CDH4: variants seen among roughly 807,000 people sequenced by gnomAD.
The protein encoded by CDH4 is cadherin 4, also known as cadherin-4.
In CDH4, 33 loss-of-function variants were observed where a neutral mutation model predicts 86.0. That is an observed-to-expected ratio of 0.38 (90% confidence interval 0.29 to 0.51). The LOEUF (loss-of-function observed/expected upper bound fraction) is 0.51, where lower values mean the gene tolerates loss of function less well. Ranked by LOEUF, CDH4 falls within the 20% of genes least tolerant of loss-of-function variation. CDH4 has a pLI of 0.86. For synonymous variants in CDH4, 555 were observed against 549.4 expected (o/e 1.01, Z -0.14); for missense variants, 1,114 against 1,307.4 (o/e 0.85, Z 2.28).
intron 2 of CDH4, among the ~76,000 whole-genome samples, chr20:61,533,745 G>A (rs991517243): frequency 3.3e-5 from 5 of 152,242 alleles, no homozygotes; most frequent in South Asian, 2.1e-4. Context: ...GGGTGAGGGC[G>A]TGGCCATGGG....
At chr20:61,651,659 C>T (rs1361606415) in intron 2 of CDH4, among the ~76,000 whole-genome samples, 3 of 152,204 alleles carry the variant, frequency 2.0e-5, no homozygotes, top group Non-Finnish European at 4.4e-5. Context: ...ATCTGGTCAG[C>T]ATTGCTGCAG....
In CDH4 at chr20:61,752,007, C is replaced by T. The variant is rs112074333; in HGVS notation, c.396+8218C>T. Among the ~76,000 whole-genome samples the T allele has an allele frequency of 3.8e-3, 583 of 152,292 alleles. 1 individual carries two copies. The highest frequency in any genetic ancestry group is 0.013 in the African/African-American group (536 of 41,568). ...CACATGGCACGTGAAGCGTGAAACA[C>T]GGGAAAGAATGATCACTGGACTTTA... On this transcript the variant is annotated intron_variant, in intron 3 of 15. Coordinates refer to ENST00000614565, the MANE Select transcript of CDH4 (RefSeq NM_001794.5).
chr20:61,278,676 T>G (rs2084242691), intron 2 of CDH4, among the ~76,000 whole-genome samples: 1 of 152,236 alleles, frequency 6.6e-6, no homozygotes, highest in African/African-American at 2.4e-5. Context: ...TAGAGGCCAT[T>G]TGGCAGGGAC....
At chr20:61,704,532 C>G (rs1385810331) in intron 2 of CDH4, among the ~76,000 whole-genome samples, 4 of 152,094 alleles carry the variant, frequency 2.6e-5, no homozygotes, top group Non-Finnish European at 5.9e-5. Flanking sequence ...GCCCCCAGAG[C>G]CAGGTTGCTT....
chr20:61,480,443 T>G lies in CDH4; in HGVS notation c.169+225506T>G, dbSNP rs1195959594. Among the ~76,000 whole-genome samples the G allele has an allele frequency of 6.6e-6, 1 of 152,238 alleles. No homozygotes were observed. The stretch of plus-strand genomic sequence containing the variant: ...CACGCCATCTCTGGGAAGCCTCCTT[T>G]CCCTCTTCGTCCAGGTTTTATCAAA... On this transcript the variant is annotated intron_variant, in intron 2 of 15. Coordinates refer to ENST00000614565, the MANE Select transcript of CDH4 (RefSeq NM_001794.5). This position sits in a 1 kb window ranked among gnomAD's most constrained non-coding sequence, Gnocchi z 5.2.
chr20:61,870,305 A>C (rs1435870039), intron 6 of CDH4, among the ~76,000 whole-genome samples: 2 of 152,194 alleles, frequency 1.3e-5, no homozygotes, highest in Non-Finnish European at 2.9e-5. Context: ...CCCTCGGGCC[A>C]GCTGGGCACA....
chr20:61,519,297 T>C (rs537102690), intron 2 of CDH4, among the ~76,000 whole-genome samples: 1 of 152,370 alleles, frequency 6.6e-6, no homozygotes, highest in South Asian at 2.1e-4. Flanking sequence ...GAAAATTTGA[T>C]GTCTCCATTC....
At chr20:61,883,379 A>G (rs898623693) in intron 7 of CDH4, among the ~76,000 whole-genome samples, 2 of 152,082 alleles carry the variant, frequency 1.3e-5, no homozygotes, top group Non-Finnish European at 2.9e-5. Flanking sequence ...CTTTCTTGGG[A>G]CACTGGGCAA....
chr20:61,895,119 C>A, intron 8 of CDH4, 72 bp downstream of exon 8: 1 of 1,537,016 alleles, frequency 6.5e-7, no homozygotes, highest in Non-Finnish European at 8.9e-7. Flanking sequence ...GCGGCACAGC[C>A]TCCTCTCTCT....
chr20:61,932,919 CA>C (rs2055131364), intron 13 of CDH4, 65 bp from the exon 14 acceptor site: 3 of 1,573,692 alleles, frequency 1.9e-6, no homozygotes, highest in Non-Finnish European at 2.6e-6. Context: ...AGACACATGG[CA>C]AACACAGAGG....
chr20:61,700,303 C>T (rs6089265), intron 2 of CDH4, among the ~76,000 whole-genome samples: 32,312 of 152,186 alleles, frequency 0.21, 3,908 homozygotes, highest in East Asian at 0.35. Context: ...AGTTTTTTCA[C>T]TGTCAGCCGT....
At chr20:61,736,163 G>A (rs953388875) in intron 2 of CDH4, among the ~76,000 whole-genome samples, 5 of 152,114 alleles carry the variant, frequency 3.3e-5, no homozygotes, top group Non-Finnish European at 7.4e-5. Context: ...TCCCCACCCC[G>A]AAGGTGTAGG....
intron 2 of CDH4, among the ~76,000 whole-genome samples, chr20:61,477,230 G>A (rs575464773): frequency 6.6e-6 from 1 of 152,242 alleles, no homozygotes; most frequent in South Asian, 2.1e-4. Context: ...ATGGTCCGGG[G>A]CAGGAGGGGT....
rs951856079 is a variant in CDH4 at position 61,417,148 on chromosome 20, A to G, written c.169+162211A>G. 6.6e-6 allele frequency among the ~76,000 whole-genome samples: 1 copy of G among 151,872 alleles called. No homozygotes were observed. On this transcript the variant is annotated intron_variant, in intron 2 of 15. Transcript: ENST00000614565. This position sits in a 1 kb window ranked among gnomAD's most constrained non-coding sequence, Gnocchi z 4.0. Reference sequence around the variant, plus strand: ...GGATAAAACCCAGATTCTGTGGCCTATTTCCTTCTTCTTCAGAAAAGGACT... The same window carrying G: ...GGATAAAACCCAGATTCTGTGGCCTGTTTCCTTCTTCTTCAGAAAAGGACT...
rs533647919 is a variant in CDH4, at chr20:61,507,802, G to A, written c.170-235761G>A. Among the ~76,000 whole-genome samples the A allele has an allele frequency of 2.6e-5, 4 of 152,230 alleles. No homozygotes were observed. The East Asian group carries it at 5.8e-4, about 22-fold the overall frequency. Reference sequence around the variant, plus strand: ...TGGACTTCATTAATAACAACATATTGGCACTTATTCTAACAAGTGTTCCAT... The same window carrying A: ...TGGACTTCATTAATAACAACATATTAGCACTTATTCTAACAAGTGTTCCAT... On this transcript the variant is annotated intron_variant, in intron 2 of 15. Coordinates refer to ENST00000614565, the MANE Select transcript of CDH4 (RefSeq NM_001794.5).
At chr20:61,549,656 G>C (rs2086113122) in intron 2 of CDH4, among the ~76,000 whole-genome samples, 1 of 152,196 alleles carries the variant, frequency 6.6e-6, no homozygotes, top group African/African-American at 2.4e-5. Flanking sequence ...GCACGTGCTG[G>C]GAGACTAAAC....
chr20:61,853,437 T>A (rs1194513820), intron 6 of CDH4, among the ~76,000 whole-genome samples: 1 of 152,006 alleles, frequency 6.6e-6, no homozygotes, highest in Non-Finnish European at 1.5e-5. Context: ...ACAGAGGCGA[T>A]CCCATGTGAC....
chr20:61,638,591 G>A lies in CDH4; in HGVS notation c.170-104972G>A, dbSNP rs190201446. The stretch of plus-strand genomic sequence containing the variant: ...GGGAAGGGCCCTGGTAGTTCCCAGG[G>A]TATTGGCTGAAGAACCTGGTGAAAT... On this transcript the variant is annotated intron_variant, in intron 2 of 15. Coordinates refer to ENST00000614565, the MANE Select transcript of CDH4 (RefSeq NM_001794.5). Among the ~76,000 whole-genome samples, 11 of 152,206 alleles carry A rather than the reference G, an allele frequency of 7.2e-5. No homozygotes were observed. The East Asian group carries it at 1.9e-3, about 27-fold the overall frequency.
At chr20:61,757,594 C>T (rs533001683) in intron 3 of CDH4, among the ~76,000 whole-genome samples, 2 of 152,328 alleles carry the variant, frequency 1.3e-5, no homozygotes, top group African/African-American at 4.8e-5. Context: ...TGGTCATTTT[C>T]CCCAGGCCAT....
Sources: allele counts gnomAD v4.1 joint callset (sites outside exome capture counted in the v4.1 genomes callset), GRCh38; gene constraint gnomAD v4.1.1; non-coding constraint Gnocchi (gnomAD v3.1); transcripts MANE v1.5; gene names NCBI Gene and HGNC (gene_info 2026-07-23, HGNC 2026-07-21).